Variants in FBLN7 observed in about 807,000 individuals in gnomAD.
FBLN7 encodes the protein fibulin-7.
Under a neutral mutation model 44.0 loss-of-function variants are expected in FBLN7, and 31 were observed. The ratio of observed to expected loss-of-function variants is 0.70; its 90% CI spans 0.53 to 0.95. The LOEUF is 0.95. FBLN7 is among the 40% of genes least tolerant of loss of function. The pLI, the probability that FBLN7 is intolerant of heterozygous loss-of-function variation, is 0.00. For missense variants in FBLN7, 573 were observed against 618.5 expected (o/e 0.93, Z 0.78); for synonymous variants, 262 against 253.4 (o/e 1.03, Z -0.32).
At chr2:112,212,292 T>C in the FBLN7 span, 1 of 152,208 alleles carries the variant, frequency 6.6e-6, no homozygotes, top group East Asian at 1.9e-4. Flanking sequence ...TCCTAACAGT[T>C]AGTCCTAGGA....
the FBLN7 span, among the ~76,000 whole-genome samples, chr2:112,226,002 A>G: frequency 6.6e-6 from 1 of 151,926 alleles, no homozygotes; most frequent in Non-Finnish European, 1.5e-5. Flanking sequence ...GAATCGCTTG[A>G]ACCCAAGAGG....
At chr2:112,141,076 A>G (rs1467709281) in intron 1 of FBLN7, among the ~76,000 whole-genome samples, 1 of 152,204 alleles carries the variant, frequency 6.6e-6, no homozygotes, top group Non-Finnish European at 1.5e-5. Context: ...GGGCCCGGCC[A>G]TGGACTGCCG....
chr2:112,232,387 AAACT>A, the FBLN7 span, among the ~76,000 whole-genome samples: 1 of 152,100 alleles, frequency 6.6e-6, no homozygotes, highest in East Asian at 1.9e-4. Flanking sequence ...ATGAGATAAT[AAACT>A]AACTGGAATA....
At chr2:112,157,421 A>G (rs1429385191) in intron 1 of FBLN7, among the ~76,000 whole-genome samples, 4 of 152,142 alleles carry the variant, frequency 2.6e-5, no homozygotes, top group Admixed American at 6.5e-5. Flanking sequence ...CCTATCCCTA[A>G]AGATAACCAT....
At chr2:112,156,942 T>C (rs1197494448) in intron 1 of FBLN7, among the ~76,000 whole-genome samples, 1 of 152,108 alleles carries the variant, frequency 6.6e-6, no homozygotes, top group African/African-American at 2.4e-5. Flanking sequence ...TTGTGGTGCT[T>C]CGTTGGTGAG....
chr2:112,193,825 C>T, the FBLN7 span, among the ~76,000 whole-genome samples: 2 of 152,066 alleles, frequency 1.3e-5, no homozygotes, highest in Non-Finnish European at 2.9e-5. Context: ...GGCTCATGTG[C>T]ACAAGGGAAA....
the FBLN7 span, among the ~76,000 whole-genome samples, chr2:112,223,108 G>A: frequency 8.6e-5 from 13 of 152,030 alleles, no homozygotes; most frequent in African/African-American, 2.2e-4. Flanking sequence ...GGGGCCTGTC[G>A]TGGGGTGGGG....
the FBLN7 span, among the ~76,000 whole-genome samples, chr2:112,196,751 A>C: frequency 1.2e-4 from 18 of 152,218 alleles, no homozygotes; most frequent in African/African-American, 4.3e-4. Context: ...AGATATGTTT[A>C]TGTCTGTATT....
chr2:112,162,388 G>C (rs1274171680), intron 2 of FBLN7, among the ~76,000 whole-genome samples: 1 of 150,838 alleles, frequency 6.6e-6, no homozygotes, highest in East Asian at 1.9e-4. Context: ...GAGAATTCTT[G>C]GTCTTCCTCT....
intron 3 of FBLN7, among the ~76,000 whole-genome samples, chr2:112,175,508 G>A (rs1265824304): frequency 2.0e-5 from 3 of 152,252 alleles, no homozygotes; most frequent in Non-Finnish European, 4.4e-5. Flanking sequence ...CCTGCTGAAT[G>A]GAGATGCAAT....
the FBLN7 span, among the ~76,000 whole-genome samples, chr2:112,237,685 C>T: frequency 4.0e-5 from 6 of 151,896 alleles, no homozygotes; most frequent in South Asian, 2.1e-4. Context: ...AAGTGATTCT[C>T]GTGCCTCAGC....
At chr2:112,157,971 A>G (rs1681523334) in intron 1 of FBLN7, among the ~76,000 whole-genome samples, 1 of 148,312 alleles carries the variant, frequency 6.7e-6, no homozygotes, top group African/African-American at 2.5e-5. Flanking sequence ...ATCTCGGCTC[A>G]CTGCAGGCTC....
Position 112,175,830 on chromosome 2 carries a change from G to C in FBLN7, c.523G>C (p.Ala175Pro), listed in dbSNP as rs1330891856. Residue 175 changes from alanine (A) to proline (P), a missense_variant, in exon 4 of 8, where the codon GCC becomes CCC. Transcript: ENST00000331203. The part of the protein sequence containing the change: ...GRTGNRCQHQ[A>P]QTAAPEGSVA... ...GACTGGGAACCGCTGTCAGCATCAG[G>C]CCCAGACTGGTATGTAGCCACCATG... 1 of 1,613,942 alleles carries C rather than the reference G, an allele frequency of 6.2e-7. No homozygotes were observed. Among genetic ancestry groups the C allele is most frequent in the Non-Finnish European group, 8.5e-7 (1 of 1,179,972 alleles).
intron 3 of FBLN7, among the ~76,000 whole-genome samples, chr2:112,167,247 A>G (rs531364056): frequency 1.3e-5 from 2 of 152,368 alleles, no homozygotes; most frequent in African/African-American, 4.8e-5. Context: ...TGATAGCAGA[A>G]AGAATGCCTT....
At chr2:112,182,017 A>T in intron 5 of FBLN7, 141 bp downstream of exon 5, 1 of 1,068,838 alleles carries the variant, frequency 9.4e-7, no homozygotes, top group Non-Finnish European at 1.3e-6. Context: ...TTTGCATTAT[A>T]GGTAAGTGTT....
chr2:112,160,692 G>GCACACGCGCA (rs2104564980), intron 2 of FBLN7, among the ~76,000 whole-genome samples: 1 of 117,364 alleles, frequency 8.5e-6, no homozygotes, highest in East Asian at 2.1e-4. Context: ...GCACGCACAC[G>GCACACGCGCA]CACACACGCA....
At chr2:112,194,544 G>A in the FBLN7 span, among the ~76,000 whole-genome samples, 1 of 152,140 alleles carries the variant, frequency 6.6e-6, no homozygotes, top group Non-Finnish European at 1.5e-5. Flanking sequence ...GGCCTTTTAG[G>A]ACCCAATCAC....
At chr2:112,166,338 A>AC (rs1321265062) in intron 3 of FBLN7, among the ~76,000 whole-genome samples, 1 of 152,196 alleles carries the variant, frequency 6.6e-6, no homozygotes, top group Non-Finnish European at 1.5e-5. Context: ...GGTGTGATCC[A>AC]CCACACCTGG....
chr2:112,182,863 C>T lies in FBLN7; in HGVS notation c.743C>T (p.Pro248Leu), dbSNP rs373897520. 3.0e-5 allele frequency: 48 copies of T among 1,612,954 alleles called. No individual in the cohort carries two copies. The highest frequency in any genetic ancestry group is 3.3e-4 in the Middle Eastern group (2 of 6,082). ...TGCATGCACGCCTGCGTGAACACCC[C>T]GGGCTCTTACCGTTGCACCTGCCCC... ...RLCMHACVNT[P>L]GSYRCTCPGG... The change falls in exon 6 of 8, where the codon CCG becomes CTG. Residue 248 changes from proline to leucine, a missense_variant. Coordinates refer to ENST00000331203, the MANE Select transcript of FBLN7 (RefSeq NM_153214.3).
Sources: gnomAD v4.1 joint callset for allele counts (sites outside exome capture counted in the v4.1 genomes callset) on GRCh38, gnomAD v4.1.1 for gene constraint, MANE v1.5 for transcripts, NCBI Gene and HGNC (gene_info 2026-07-23, HGNC 2026-07-21) for gene names.